Variants in DPY19L4 observed in about 807,000 individuals in gnomAD.
The protein encoded by DPY19L4 is probable C-mannosyltransferase DPY19L4.
A neutral mutation model predicts 102.8 loss-of-function variants in DPY19L4; 97 were observed. The observed-to-expected ratio is 0.94, with a 90% CI of 0.80 to 1.12. The LOEUF (loss-of-function observed/expected upper bound fraction) is 1.12, where lower values mean the gene tolerates loss of function less well. Among genes scored for constraint, DPY19L4 ranks in the 50% most tolerant of loss-of-function variants. DPY19L4 has a pLI of 0.00. For synonymous variants in DPY19L4, 252 were observed against 283.1 expected (o/e 0.89, Z 1.10); for missense variants, 815 against 850.4 (o/e 0.96, Z 0.52).
intron 2 of DPY19L4, among the ~76,000 whole-genome samples, chr8:94,732,254 T>A (rs1259232119): frequency 6.6e-6 from 1 of 152,226 alleles, no homozygotes; most frequent in Non-Finnish European, 1.5e-5. Flanking sequence ...TGATTTTTAC[T>A]GTCAGTCATT....
At chr8:94,722,958 G>A (rs1346099806) in intron 1 of DPY19L4, among the ~76,000 whole-genome samples, 1 of 152,180 alleles carries the variant, frequency 6.6e-6, no homozygotes, top group East Asian at 1.9e-4. Flanking sequence ...CGCAATGTTA[G>A]AGCAAAGAAA....
At chr8:94,724,919 T>G (rs1207422798) in intron 1 of DPY19L4, among the ~76,000 whole-genome samples, 1 of 152,194 alleles carries the variant, frequency 6.6e-6, no homozygotes, top group Non-Finnish European at 1.5e-5. Flanking sequence ...TTTTCATTGA[T>G]TTCACTACTT....
At chr8:94,730,567 T>G (rs113235379) in intron 2 of DPY19L4, among the ~76,000 whole-genome samples, 16,528 of 150,960 alleles carry the variant, frequency 0.11, 966 homozygotes, top group Non-Finnish European at 0.13. Context: ...CCAACATGGA[T>G]AAACTCCATC....
intron 7 of DPY19L4, 94 bp from the exon 8 acceptor site, chr8:94,761,606 G>C: frequency 9.0e-7 from 1 of 1,109,134 alleles, no homozygotes; most frequent in Non-Finnish European, 1.2e-6. Context: ...AAAGTTGAAC[G>C]AGTAACAGAG....
intron 6 of DPY19L4, among the ~76,000 whole-genome samples, chr8:94,746,812 C>T (rs956304136): frequency 6.6e-6 from 1 of 152,058 alleles, no homozygotes; most frequent in African/African-American, 2.4e-5. Context: ...TTACCGAAAC[C>T]AAATTGTAAA....
intron 7 of DPY19L4, among the ~76,000 whole-genome samples, chr8:94,757,927 A>G (rs1812233601): frequency 6.6e-6 from 1 of 152,030 alleles, no homozygotes; most frequent in African/African-American, 2.4e-5. Flanking sequence ...CCTGGCCAAC[A>G]TGGTGAACCC....
intron 1 of DPY19L4, 96 bp downstream of exon 1, chr8:94,720,110 CGCGGTCGCG>C (rs1309088704): frequency 1.4e-6 from 2 of 1,401,594 alleles, no homozygotes. Flanking sequence ...TGCTGGTGGC[CGCGGTCGCG>C]GTGGCGGCCG....
chr8:94,754,388 A>G (rs183302579), intron 6 of DPY19L4, among the ~76,000 whole-genome samples: 3 of 152,162 alleles, frequency 2.0e-5, no homozygotes, highest in Admixed American at 2.0e-4. Flanking sequence ...TGCTGTTGCA[A>G]CTTTATCTTC....
intron 7 of DPY19L4, among the ~76,000 whole-genome samples, chr8:94,760,688 T>A (rs1812359159): frequency 6.6e-6 from 1 of 152,218 alleles, no homozygotes; most frequent in Non-Finnish European, 1.5e-5. Context: ...TCTCCTTCAC[T>A]GTTCTTATCT....
At chr8:94,747,649 C>T (rs1486025880) in intron 6 of DPY19L4, among the ~76,000 whole-genome samples, 2 of 150,898 alleles carry the variant, frequency 1.3e-5, no homozygotes, top group African/African-American at 4.9e-5. Context: ...AGATCCGCCT[C>T]CCGGGTTCAC....
chr8:94,770,524 T>C lies in DPY19L4; in HGVS notation c.1407T>C (p.His469=). The C allele has an allele frequency of 1.2e-6, 2 of 1,613,928 alleles. No homozygotes were observed. Among genetic ancestry groups the C allele is most frequent in the Non-Finnish European group, 1.7e-6 (2 of 1,179,906 alleles). ...GAGAAAGACCAGAAATAATTTATCA[T>C]GTAATTCACACTATTTTATTGGGTT... is the stretch of plus-strand genomic sequence containing the variant. ...RIGERPEIIY[H]VIHTILLGSL... Residue 469 remains histidine (H), a synonymous_variant, in exon 13 of 19, where the codon CAT becomes CAC. Coordinates refer to ENST00000414645, the MANE Select transcript of DPY19L4 (RefSeq NM_181787.3).
At chr8:94,760,408 G>C (rs1045186886) in intron 7 of DPY19L4, among the ~76,000 whole-genome samples, 1 of 152,164 alleles carries the variant, frequency 6.6e-6, no homozygotes, top group African/African-American at 2.4e-5. Flanking sequence ...GCACAGCTAT[G>C]GTGACAGGAA....
chr8:94,762,116 A>G (rs1196951174), intron 8 of DPY19L4, among the ~76,000 whole-genome samples: 1 of 152,240 alleles, frequency 6.6e-6, no homozygotes, highest in Non-Finnish European at 1.5e-5. Context: ...ATTAAAATGT[A>G]GAAATGTAGA....
At chr8:94,730,203 A>T (rs1345902679) in intron 2 of DPY19L4, among the ~76,000 whole-genome samples, 5 of 151,892 alleles carry the variant, frequency 3.3e-5, no homozygotes. Flanking sequence ...TCTGTTTTTA[A>T]TTTTGTGTGC....
rs574685585 is a variant in DPY19L4, at chr8:94,774,212, A to G, written c.1455-3454A>G. Among the ~76,000 whole-genome samples, 19 of 151,760 alleles carry G rather than the reference A, an allele frequency of 1.3e-4. 1 individual carries two copies. The East Asian group carries it at 3.7e-3, about 30-fold the overall frequency. ...ACTGGTGTCACCATGCCTGGCTAAT[A>G]TTTTTTAAAGTTTTTGTAGAGATGA... On this transcript the variant is annotated intron_variant, in intron 13 of 18. Transcript: ENST00000414645.
intron 1 of DPY19L4, among the ~76,000 whole-genome samples, chr8:94,725,107 A>G (rs1175580913): frequency 1.3e-5 from 2 of 152,162 alleles, no homozygotes; most frequent in Non-Finnish European, 2.9e-5. Context: ...TTCATTTTCC[A>G]CAGTAAAGCT....
chr8:94,724,152 T>C lies in DPY19L4; in HGVS notation c.17-2179T>C, dbSNP rs1810589787. The stretch of plus-strand genomic sequence containing the variant: ...CAATTTATCACTAAGTGTGTATTTT[T>C]AGACTCTAATGGAAAAGACCCACCT... On this transcript the variant is annotated intron_variant, in intron 1 of 18. Transcript: ENST00000414645. Among the ~76,000 whole-genome samples, 5 of 152,244 alleles carry C rather than the reference T, an allele frequency of 3.3e-5. No individual in the cohort carries two copies. In the South Asian group the frequency reaches 1.0e-3, roughly 32 times the overall value.
At position 94,783,559 on chromosome 8, in the gene DPY19L4, C is replaced by T. The variant is rs982815122; in HGVS notation, c.1716-111C>T. 10 of 1,388,628 alleles carry T rather than the reference C, an allele frequency of 7.2e-6. No homozygotes were observed. In the Admixed American group the frequency reaches 2.1e-4, roughly 29 times the overall value. The allele number at this position is 1,388,628 out of a possible 1,614,324, so 86.0% of individuals were successfully genotyped here. A position where few individuals can be genotyped will look rare whatever the true frequency, so the allele number is the denominator to read the frequency against. ...AATGAAATGAAAACTGGCATTGAAACTGAAATGTGTAAACATTGTAAGTTG... is the reference window on the plus strand; with the variant it reads ...AATGAAATGAAAACTGGCATTGAAATTGAAATGTGTAAACATTGTAAGTTG... On this transcript the variant is annotated intron_variant, in intron 16 of 18. Transcript: ENST00000414645.
At chr8:94,728,847 T>C (rs1353673965) in intron 2 of DPY19L4, among the ~76,000 whole-genome samples, 1 of 151,920 alleles carries the variant, frequency 6.6e-6, no homozygotes, top group Non-Finnish European at 1.5e-5. Flanking sequence ...AAGAAGAAAA[T>C]AGAGAATCCC....
Sources: gnomAD v4.1 joint callset for allele counts (sites outside exome capture counted in the v4.1 genomes callset) on GRCh38, gnomAD v4.1.1 for gene constraint, MANE v1.5 for transcripts, NCBI Gene and HGNC (gene_info 2026-07-23, HGNC 2026-07-21) for gene names.